Variants in CCNC observed in about 807,000 individuals in gnomAD.
The protein encoded by CCNC is cyclin-C.
A neutral mutation model predicts 50.0 loss-of-function variants in CCNC; 19 were observed. The ratio of observed to expected loss-of-function variants is 0.38; its 90% CI spans 0.27 to 0.56. The LOEUF is 0.56. Among genes scored for constraint, CCNC ranks in the 20% least tolerant of loss-of-function variants. The pLI, the probability that CCNC is intolerant of heterozygous loss-of-function variation, is 0.72. For missense variants in CCNC, 200 were observed against 327.1 expected, an observed-to-expected ratio of 0.61 and a Z score of 3.00; for synonymous variants, 93 against 103.7, an observed-to-expected ratio of 0.90 and a Z score of 0.63.
rs149874867 is a variant in CCNC at position 99,542,540 on chromosome 6, T to A, written c.*1015A>T. ...ATTTTATTTATCACTCTCCTTCAAG[T>A]CTGAAGAAAATGATTAATTTGCTAA... On this transcript the variant is annotated 3_prime_UTR_variant, in exon 12 of 12. Transcript: ENST00000520429. The A allele has an allele frequency of 6.6e-6, 1 of 152,634 alleles. No homozygotes were observed. Among genetic ancestry groups the A allele is most frequent in the African/African-American group, 2.4e-5 (1 of 41,456 alleles). 9.5% of individuals were successfully genotyped at this position (152,634 alleles called of 1,614,324 possible).
chr6:99,549,463 A>T, intron 9 of CCNC, 45 bp downstream of exon 9: 5 of 1,310,352 alleles, frequency 3.8e-6, no homozygotes, highest in Non-Finnish European at 5.5e-6. Flanking sequence ...GACCTAAATA[A>T]GTTTATAACA....
intron 2 of CCNC, 64 bp from the exon 3 acceptor site, chr6:99,561,745 C>G (rs1260319746): frequency 1.0e-6 from 1 of 973,328 alleles, no homozygotes. Context: ...TAACATTGAA[C>G]AGTAACTTCC....
intron 4 of CCNC, among the ~76,000 whole-genome samples, chr6:99,559,652 T>TA (rs79147310): frequency 3.7e-4 from 44 of 117,816 alleles, no homozygotes; most frequent in Non-Finnish European, 5.3e-4. Flanking sequence ...GTCACAGAGA[T>TA]AAAAAAAAAA....
chr6:99,544,351 C>T (rs1801989663), intron 11 of CCNC: 1 of 1,289,658 alleles, frequency 7.8e-7, no homozygotes, highest in African/African-American at 1.5e-5. Flanking sequence ...TAACTTTTTC[C>T]AAATTGTAAC....
At chr6:99,560,288 C>CATA (rs1200134893) in intron 4 of CCNC, among the ~76,000 whole-genome samples, 1 of 152,040 alleles carries the variant, frequency 6.6e-6, no homozygotes, top group Non-Finnish European at 1.5e-5. Context: ...AAACTCAATC[C>CATA]ATAATAAGGA....
In CCNC at chr6:99,545,155, T is replaced by A; in HGVS notation, c.754A>T (p.Thr252Ser). 2 of 1,611,066 alleles carry A rather than the reference T, an allele frequency of 1.2e-6. No individual in the cohort carries two copies. The highest frequency in any genetic ancestry group is 1.7e-6 in the Non-Finnish European group (2 of 1,177,388). Residue 252 changes from threonine to serine, a missense_variant, in exon 11 of 12, where the codon ACC (threonine) becomes TCC (serine). By Grantham distance (58) the Thr-to-Ser change is moderately conservative (BLOSUM62 1). Coordinates refer to ENST00000520429, the MANE Select transcript of CCNC (RefSeq NM_005190.4). ...KNFDERKEMATILSKMPKPKP... is the reference protein window; with the variant it reads ...KNFDERKEMASILSKMPKPKP... Reference sequence around the variant, plus strand: ...GGTTTTGGCATCTTACTAAGAATGGTTGCCATCTCTTTTCTCTCATCGAAA... The same window carrying A: ...GGTTTTGGCATCTTACTAAGAATGGATGCCATCTCTTTTCTCTCATCGAAA...
upstream of CCNC, chr6:99,568,688 TCTC>T: frequency 6.8e-7 from 1 of 1,476,432 alleles, no homozygotes; most frequent in Admixed American, 2.4e-5. Context: ...GGCCCCCTAG[TCTC>T]CTTCACGCCG....
chr6:99,562,921 A>C lies in CCNC; in HGVS notation c.60T>G (p.Asp20Glu), dbSNP rs772424516. The C allele has an allele frequency of 1.9e-6, 3 of 1,605,592 alleles. No individual in the cohort carries two copies. Among genetic ancestry groups the C allele is most frequent in the Non-Finnish European group, 1.7e-6 (2 of 1,176,992 alleles). Reference sequence around the variant, plus strand: ...AATCCTTTTGGCGCTCCTTCAACAGATCTTGTTTATCCAAAATCCATTGCA... The same window carrying C: ...AATCCTTTTGGCGCTCCTTCAACAGCTCTTGTTTATCCAAAATCCATTGCA... ...HYLQWILDKQ[D>E]LLKERQKDLK... The change falls in exon 2 of 12, where the codon GAT (aspartate) becomes GAG (glutamate). Residue 20 changes from aspartate (D) to glutamate (E), a missense_variant. Asp to Glu is a conservative substitution (Grantham distance 45). Transcript: ENST00000520429.
chr6:99,561,573 TAAATA>T lies in CCNC; in HGVS notation c.224+19_224+23del, dbSNP rs778243315. The T allele has an allele frequency of 5.8e-5, 89 of 1,524,502 alleles. No individual in the cohort carries two copies. In the East Asian group the frequency reaches 1.3e-3, roughly 23 times the overall value. The allele number at this position is 1,524,502 out of a possible 1,614,324, so 94.4% of individuals were successfully genotyped here. On this transcript the variant is annotated intron_variant, in intron 3 of 11. Coordinates refer to ENST00000520429, the MANE Select transcript of CCNC (RefSeq NM_005190.4). ...CATCAACATTAGATAAGAGTTCAAA[TAAATA>T]AAATAAAAACAATCCTACCTGGCAT...
At chr6:99,554,698 A>C (rs1802443238) in intron 5 of CCNC, among the ~76,000 whole-genome samples, 2 of 152,112 alleles carry the variant, frequency 1.3e-5, no homozygotes, top group Non-Finnish European at 2.9e-5. Flanking sequence ...CTTCTTTATT[A>C]CTGGCATTAA....
intron 9 of CCNC, among the ~76,000 whole-genome samples, chr6:99,548,489 A>C (rs1438520980): frequency 7.5e-6 from 1 of 134,016 alleles, no homozygotes; most frequent in African/African-American, 2.5e-5. Flanking sequence ...GGAAAATAAG[A>C]GGGGAAAATC....
chr6:99,551,879 T>C lies in CCNC; in HGVS notation c.363A>G (p.Ser121=), dbSNP rs140253488. 76 of 1,430,316 alleles carry C rather than the reference T, an allele frequency of 5.3e-5. No individual in the cohort carries two copies. Among genetic ancestry groups the C allele is most frequent in the Non-Finnish European group, 6.8e-5 (72 of 1,066,144 alleles). 88.6% of individuals were successfully genotyped at this position (1,430,316 alleles called of 1,614,324 possible). ...AAGGAAATTCCTTTGGAAAGGCATATGAAAATCTAGTTTTTACTGCAGAAA... is the reference window on the plus strand; with the variant it reads ...AAGGAAATTCCTTTGGAAAGGCATACGAAAATCTAGTTTTTACTGCAGAAA... The part of the protein sequence containing the change: ...AATSVLKTRF[S]YAFPKEFPYR... Residue 121 remains serine, a synonymous_variant, in exon 6 of 12, where the codon TCA becomes TCG. Coordinates refer to ENST00000520429, the MANE Select transcript of CCNC (RefSeq NM_005190.4).
At position 99,543,500 on chromosome 6, in the gene CCNC, A is replaced by C; in HGVS notation, c.*55T>G. The C allele has an allele frequency of 6.3e-7, 1 of 1,589,388 alleles. No individual in the cohort carries two copies. On this transcript the variant is annotated 3_prime_UTR_variant, in exon 12 of 12. Transcript: ENST00000520429. The stretch of plus-strand genomic sequence containing the variant: ...TGTGTTCCACTGAAGACATTACTGA[A>C]ATCTGTCCAATGGTTTATTTCCAAG...
At chr6:99,553,589 T>C (rs1030502293) in intron 5 of CCNC, among the ~76,000 whole-genome samples, 1 of 152,212 alleles carries the variant, frequency 6.6e-6, no homozygotes, top group African/African-American at 2.4e-5. Flanking sequence ...TTTTTTCATC[T>C]TTAACCTTCC....
At chr6:99,560,790 TCTATATAG>T (rs1802745495) in intron 4 of CCNC, among the ~76,000 whole-genome samples, 1 of 152,236 alleles carries the variant, frequency 6.6e-6, no homozygotes, top group South Asian at 2.1e-4. Flanking sequence ...CTTGTTAGAC[TCTATATAG>T]CTATAGCTTC....
chr6:99,549,269 A>C (rs1228957723), intron 9 of CCNC: 1 of 588,730 alleles, frequency 1.7e-6, no homozygotes, highest in Admixed American at 3.0e-5. Context: ...ACACCGATTA[A>C]AACTATTTTG....
chr6:99,558,041 A>G (rs1194801718), intron 5 of CCNC: 1 of 163,066 alleles, frequency 6.1e-6, no homozygotes, highest in East Asian at 1.7e-4. Flanking sequence ...CAGCCTCAGC[A>G]AAGTAACATA....
In CCNC at chr6:99,568,659, A is replaced by G. The variant is rs1046582727; in HGVS notation, c.-132T>C. ...GGCTCGACTCCGCTCCGCGGCGGCGACGGCGAAAGGAAGAGGATGGCCCCC... is the reference window on the plus strand; with the variant it reads ...GGCTCGACTCCGCTCCGCGGCGGCGGCGGCGAAAGGAAGAGGATGGCCCCC... On this transcript the variant is annotated 5_prime_UTR_variant, in exon 1 of 12. Transcript: ENST00000520429. The G allele has an allele frequency of 3.4e-5, 52 of 1,523,788 alleles. No homozygotes were observed. Among genetic ancestry groups the G allele is most frequent in the Non-Finnish European group, 4.5e-5 (51 of 1,137,436 alleles). 94.4% of individuals were successfully genotyped at this position (1,523,788 alleles called of 1,614,324 possible).
rs922431206 is a variant in CCNC at position 99,566,036 on chromosome 6, T to C, written c.32+2460A>G. On this transcript the variant is annotated intron_variant, in intron 1 of 11. Transcript: ENST00000520429. ...AAGTATTTACCCATGAAATAACACA[T>C]AGCTCTTGGGTAATACTCTTAACTT... 5.9e-5 allele frequency among the ~76,000 whole-genome samples: 9 copies of C among 152,040 alleles called. No homozygotes were observed. In the East Asian group the frequency reaches 7.7e-4, roughly 13 times the overall value.
Sources: gnomAD v4.1 joint callset for allele counts (sites outside exome capture counted in the v4.1 genomes callset) on GRCh38, gnomAD v4.1.1 for gene constraint, MANE v1.5 for transcripts, NCBI Gene and HGNC (gene_info 2026-07-23, HGNC 2026-07-21) for gene names.